DHX8: variants seen among roughly 807,000 people sequenced by gnomAD.
The protein encoded by DHX8 is DEAH-box helicase 8.
In DHX8, 67 loss-of-function variants were observed where a neutral mutation model predicts 140.7. The ratio of observed to expected loss-of-function variants is 0.48; its 90% confidence interval spans 0.39 to 0.58. DHX8 has a LOEUF of 0.58. Ranked by LOEUF, DHX8 falls within the 20% of genes least tolerant of loss-of-function variation. The pLI, the probability that DHX8 is intolerant of heterozygous loss-of-function variation, is 0.00. For missense variants in DHX8, 887 were observed against 1,550.7 expected, an observed-to-expected ratio of 0.57 and a Z score of 7.19; for synonymous variants, 533 against 553.2, an observed-to-expected ratio of 0.96 and a Z score of 0.51.
intron 2 of DHX8, chr17:43,532,883 C>A: frequency 6.2e-7 from 1 of 1,603,626 alleles, no homozygotes; most frequent in Non-Finnish European, 8.5e-7. Context: ...GGGTTCCCGG[C>A]CCCCTCCCTG....
chr17:43,484,383 C>G (rs574010480), intron 1 of DHX8, among the ~76,000 whole-genome samples, 198 bp downstream of exon 1: 3 of 152,096 alleles, frequency 2.0e-5, no homozygotes, highest in Admixed American at 2.0e-4. Context: ...AGAAACTTTC[C>G]CAGAGCTGTC....
chr17:43,524,118 G>A lies in DHX8; in HGVS notation c.*271G>A. The A allele has an allele frequency of 7.7e-7, 1 of 1,293,690 alleles. No individual in the cohort carries two copies. Among genetic ancestry groups the A allele is most frequent in the Non-Finnish European group, 9.9e-7 (1 of 1,012,470 alleles). 80.1% of individuals were successfully genotyped at this position (1,293,690 alleles called of 1,614,324 possible). A position where few individuals can be genotyped will look rare whatever the true frequency, so the allele number is the denominator to read the frequency against. On this transcript the variant is annotated 3_prime_UTR_variant, in exon 23 of 23. Transcript: ENST00000262415. ...CAGAGACACATTGCATCAACTTCAA[G>A]AAAGGGACAATTTGTGCAGCTCCAG...
chr17:43,528,235 G>A (rs1970683522), downstream of DHX8: 1 of 360,192 alleles, frequency 2.8e-6, no homozygotes, highest in Admixed American at 4.2e-5. Flanking sequence ...TGGGGAAAAG[G>A]TGTGGGGGGC....
At chr17:43,529,989 G>A (rs372949423), downstream of DHX8, 3 of 1,612,106 alleles carry the variant, frequency 1.9e-6, no homozygotes, top group South Asian at 1.1e-5. Context: ...AGATCTGGGG[G>A]TTCACCGATG....
chr17:43,536,000 A>G (rs111813501), intron 2 of DHX8, among the ~76,000 whole-genome samples: 2 of 152,126 alleles, frequency 1.3e-5, no homozygotes, highest in African/African-American at 4.8e-5. Flanking sequence ...AATCCCAGCT[A>G]CTCTGGAAGC....
intron 3 of DHX8, among the ~76,000 whole-genome samples, chr17:43,490,867 T>C (rs1968477855): frequency 6.6e-6 from 1 of 151,364 alleles, no homozygotes; most frequent in Non-Finnish European, 1.5e-5. Context: ...GAGGTTTTTT[T>C]CCCCGTTTCA....
rs546129824 is a variant in DHX8, at chr17:43,532,088, T to C, written c.351-4324T>C. On this transcript the variant is annotated intron_variant, in intron 2 of 3. Transcript: ENST00000589898. ...TTGCCTAAGCTGGCCTTGAACTAATTCCTGGGCTCAAACGATCCTCCTGCC... is the reference window on the plus strand; with the variant it reads ...TTGCCTAAGCTGGCCTTGAACTAATCCCTGGGCTCAAACGATCCTCCTGCC... Among the ~76,000 whole-genome samples, 7 of 152,342 alleles carry C rather than the reference T, an allele frequency of 4.6e-5. No homozygotes were observed. The East Asian group carries it at 1.2e-3, about 25-fold the overall frequency.
intron 2 of DHX8, chr17:43,536,284 C>T: frequency 2.7e-6 from 2 of 746,630 alleles, no homozygotes; most frequent in South Asian, 3.4e-5. Context: ...GGTTTTCATT[C>T]CAGTTATTGC....
intron 16 of DHX8, among the ~76,000 whole-genome samples, chr17:43,511,414 T>C (rs201546736): frequency 6.8e-6 from 1 of 147,934 alleles, no homozygotes; most frequent in Non-Finnish European, 1.5e-5. Context: ...TTACACATTT[T>C]TGTGTGAGCC....
intron 16 of DHX8, among the ~76,000 whole-genome samples, chr17:43,512,499 A>T (rs1212995647): frequency 6.6e-6 from 1 of 152,050 alleles, no homozygotes; most frequent in African/African-American, 2.4e-5. Context: ...GTCAGGCATG[A>T]CTGTCAGGTT....
chr17:43,525,946 G>T, downstream of DHX8: 7 of 985,406 alleles, frequency 7.1e-6, no homozygotes, highest in Non-Finnish European at 8.4e-6. Flanking sequence ...AGAGACAGCA[G>T]GGTTCGTTAT....
At chr17:43,529,353 A>G (rs370508089), downstream of DHX8, 129 of 1,397,414 alleles carry the variant, frequency 9.2e-5, 3 homozygotes, top group African/African-American at 1.8e-3. Context: ...GCTCTGCAAC[A>G]AAGCATCAGC....
chr17:43,522,762 A>C (rs1386356409), intron 22 of DHX8, among the ~76,000 whole-genome samples: 2 of 146,906 alleles, frequency 1.4e-5, no homozygotes, highest in Middle Eastern at 3.8e-3. Flanking sequence ...AAAAAAAAAA[A>C]AAAAAACCAA....
chr17:43,530,453 GCTGCCAGGGAGCAGCTGTTTC>G, downstream of DHX8: 1 of 1,356,918 alleles, frequency 7.4e-7, no homozygotes, highest in Non-Finnish European at 9.5e-7. Flanking sequence ...AAGGGCCCAA[GCTGCCAGGGAGCAGCTGTTTC>G]CTGCGAGTTC....
At chr17:43,516,669 G>A (rs1343781300) in intron 17 of DHX8, among the ~76,000 whole-genome samples, 1 of 152,022 alleles carries the variant, frequency 6.6e-6, no homozygotes, top group African/African-American at 2.4e-5. Flanking sequence ...GGCTGATCTC[G>A]AACTCCTGGG....
chr17:43,529,334 G>T, downstream of DHX8: 1 of 1,414,184 alleles, frequency 7.1e-7, no homozygotes, highest in Non-Finnish European at 1.0e-6. Flanking sequence ...GGTGCAAAGT[G>T]CCAAGCTAGC....
Position 43,523,705 on chromosome 17 carries a change from T to G in DHX8, c.3521T>G (p.Val1174Gly). 6.2e-7 allele frequency: 1 copy of G among 1,614,148 alleles called. No homozygotes were observed. Among genetic ancestry groups the G allele is most frequent in the South Asian group, 1.1e-5 (1 of 91,072 alleles). ...ACCACCATCGACCCTCGGTGGCTTG[T>G]GGAGTTTGCCCCAGCCTTCTTCAAG... ...EVTTIDPRWLVEFAPAFFKVS... is the reference protein window; with the variant it reads ...EVTTIDPRWLGEFAPAFFKVS... The change falls in exon 23 of 23, where the codon GTG (valine) becomes GGG (glycine). Residue 1174 changes from valine (V) to glycine (G), a missense_variant. Around this residue, in one of 9 missense-constraint regions of DHX8, gnomAD observed 101 missense variants for 168.2 expected, o/e 0.60. Transcript: ENST00000262415.
intron 22 of DHX8, among the ~76,000 whole-genome samples, chr17:43,523,057 C>T (rs1162525162): frequency 1.3e-4 from 8 of 62,006 alleles, no homozygotes; most frequent in African/African-American, 4.5e-4. Flanking sequence ...AGTGAGACTC[C>T]GTCCCAAAAA....
chr17:43,515,900 A>G (rs1567695310), intron 17 of DHX8, among the ~76,000 whole-genome samples: 1 of 152,178 alleles, frequency 6.6e-6, no homozygotes, highest in South Asian at 2.1e-4. Context: ...TTGTAACAAC[A>G]GATGGTTTTG....
Sources: gnomAD v4.1 joint callset for allele counts (sites outside exome capture counted in the v4.1 genomes callset) on GRCh38, gnomAD v4.1.1 for gene constraint, gnomAD v4.1.1 regional missense constraint, MANE v1.5 for transcripts, NCBI Gene and HGNC (gene_info 2026-07-23, HGNC 2026-07-21) for gene names.